Variants in ST7 observed in about 807,000 individuals in gnomAD.
ST7 encodes suppression of tumorigenicity 7, also known as suppressor of tumorigenicity 7 protein.
A neutral mutation model predicts 78.7 loss-of-function variants in ST7; 28 were observed. That is an observed-to-expected ratio of 0.36 (90% CI 0.26 to 0.49). The LOEUF (loss-of-function observed/expected upper bound fraction) is 0.49, where lower values mean the gene tolerates loss of function less well. Among genes scored for constraint, ST7 ranks in the 20% least tolerant of loss-of-function variants. The probability of loss-of-function intolerance (pLI) is 0.99; values close to 1 mark genes in which losing one functional copy is unlikely to be tolerated. For missense variants in ST7, 418 were observed against 696.0 expected, an observed-to-expected ratio of 0.60 and a Z score of 4.49; for synonymous variants, 247 against 249.6, an observed-to-expected ratio of 0.99 and a Z score of 0.10.
intron 1 of ST7, among the ~76,000 whole-genome samples, chr7:117,045,799 C>T (rs979962474): frequency 6.6e-6 from 1 of 152,182 alleles, no homozygotes; most frequent in African/African-American, 2.4e-5. Flanking sequence ...AATTTACTCA[C>T]AAAGTATTAA....
intron 10 of ST7, among the ~76,000 whole-genome samples, chr7:117,188,254 C>T (rs1443978785): frequency 6.6e-6 from 1 of 152,100 alleles, no homozygotes; most frequent in Admixed American, 6.5e-5. Context: ...TTCTATTTTT[C>T]ATTTCTACTT....
chr7:117,009,667 C>T (rs909231455), intron 1 of ST7, among the ~76,000 whole-genome samples: 5 of 151,986 alleles, frequency 3.3e-5, no homozygotes, highest in African/African-American at 1.2e-4. Flanking sequence ...AATTATACAT[C>T]AAGATTAATT....
At chr7:117,018,738 A>T (rs1280788552) in intron 1 of ST7, among the ~76,000 whole-genome samples, 2 of 152,232 alleles carry the variant, frequency 1.3e-5, no homozygotes, top group Non-Finnish European at 1.5e-5. Flanking sequence ...TAGGGTTATT[A>T]TGAAGATTAA....
In ST7 at chr7:117,097,897, TATATATATATA is replaced by T. The variant is rs1485645660; in HGVS notation, c.152-1864_152-1854del. Reference sequence around the variant, plus strand: ...ACATATCACTATATATATATATATATATATATATATATTTTTTTTTTTTTTTTTTTTGATGG... The same window carrying T: ...ACATATCACTATATATATATATATATTTTTTTTTTTTTTTTTTTTTGATGG... On this transcript the variant is annotated intron_variant, in intron 1 of 15. Coordinates refer to ENST00000323984, the MANE Select transcript of ST7 (RefSeq NM_001369598.1). Among the ~76,000 whole-genome samples the T allele has an allele frequency of 2.9e-4, 8 of 27,722 alleles. 1 individual carries two copies. The highest frequency in any genetic ancestry group is 8.2e-4 in the Admixed American group (2 of 2,432). The allele number at this position is 27,722 out of a possible 152,430, so 18.2% of individuals were successfully genotyped here.
chr7:116,986,189 TAG>T (rs1291242908), intron 1 of ST7, among the ~76,000 whole-genome samples: 1 of 152,202 alleles, frequency 6.6e-6, no homozygotes, highest in Non-Finnish European at 1.5e-5. Flanking sequence ...GTTGTGTGAG[TAG>T]AGTCTATTTT....
chr7:117,002,176 C>T (rs1238499615), intron 1 of ST7, among the ~76,000 whole-genome samples: 5 of 151,958 alleles, frequency 3.3e-5, no homozygotes, highest in Admixed American at 2.6e-4. Context: ...TGCAGTGAGC[C>T]GAGGTCGCGC....
chr7:117,152,128 T>G (rs566786341), intron 9 of ST7, among the ~76,000 whole-genome samples: 4 of 116,688 alleles, frequency 3.4e-5, no homozygotes, highest in African/African-American at 1.1e-4. Flanking sequence ...CAAAAAAAAA[T>G]AATAATAATT....
chr7:117,029,514 A>G (rs1796367680), intron 1 of ST7, among the ~76,000 whole-genome samples: 2 of 152,092 alleles, frequency 1.3e-5, no homozygotes, highest in African/African-American at 4.8e-5. Context: ...TGTATTGACA[A>G]TATTTTCTTA....
intron 13 of ST7, among the ~76,000 whole-genome samples, chr7:117,213,769 TAAGA>T (rs1207150781): frequency 1.3e-5 from 2 of 152,188 alleles, no homozygotes; most frequent in African/African-American, 4.8e-5. Flanking sequence ...TCAAGATAAT[TAAGA>T]AAGGGCAAGA....
At chr7:116,970,751 A>G (rs1793375752) in intron 1 of ST7, among the ~76,000 whole-genome samples, 1 of 152,124 alleles carries the variant, frequency 6.6e-6, no homozygotes, top group Non-Finnish European at 1.5e-5. Context: ...TGTGAGTCAG[A>G]GTTCTATTTT....
intron 1 of ST7, among the ~76,000 whole-genome samples, chr7:117,097,890 ATATATATATATATATATATTTT>A (rs1367843658): frequency 3.1e-4 from 6 of 19,486 alleles, no homozygotes; most frequent in African/African-American, 9.8e-4. Flanking sequence ...CTATATATAT[ATATATATATATATATATATTTT>A]TTTTTTTTTT....
At chr7:116,956,716 AT>A in intron 1 of ST7, 1 of 462,766 alleles carries the variant, frequency 2.2e-6, no homozygotes, top group South Asian at 1.6e-5. Context: ...ATTTGATCAT[AT>A]TTTATGGTAA....
At chr7:117,125,984 T>C (rs1259265032) in intron 3 of ST7, among the ~76,000 whole-genome samples, 1 of 152,028 alleles carries the variant, frequency 6.6e-6, no homozygotes. Flanking sequence ...CTGTACTTTT[T>C]ACTTATGTAA....
At chr7:117,097,908 A>ATATATATTTTTTTT in intron 1 of ST7, among the ~76,000 whole-genome samples, 2 of 30,018 alleles carry the variant, frequency 6.7e-5, no homozygotes, top group African/African-American at 1.6e-4. Flanking sequence ...ATATATATAT[A>ATATATATTTTTTTT]TTTTTTTTTT....
At chr7:117,110,570 T>G (rs960094785) in intron 2 of ST7, among the ~76,000 whole-genome samples, 20 of 152,348 alleles carry the variant, frequency 1.3e-4, no homozygotes, top group Admixed American at 8.5e-4. Flanking sequence ...GGCCATCTTG[T>G]GCAGGCAGCC....
At chr7:117,205,961 A>T (rs1347262006) in intron 12 of ST7, among the ~76,000 whole-genome samples, 1 of 152,188 alleles carries the variant, frequency 6.6e-6, no homozygotes, top group Non-Finnish European at 1.5e-5. Flanking sequence ...GTGGATAGGG[A>T]TCTGCCCTGT....
At chr7:117,087,349 T>C (rs747469607) in intron 1 of ST7, among the ~76,000 whole-genome samples, 35 of 152,206 alleles carry the variant, frequency 2.3e-4, no homozygotes, top group Non-Finnish European at 4.3e-4. Context: ...AAAACAGGAA[T>C]ATACATATGT....
At chr7:117,022,376 C>T (rs1198279802) in intron 1 of ST7, among the ~76,000 whole-genome samples, 1 of 152,116 alleles carries the variant, frequency 6.6e-6, no homozygotes, top group Non-Finnish European at 1.5e-5. Context: ...TTCTTTGGCA[C>T]GTGTATACCT....
chr7:117,066,317 C>T (rs958380311), intron 1 of ST7, among the ~76,000 whole-genome samples: 8 of 152,120 alleles, frequency 5.3e-5, no homozygotes, highest in South Asian at 2.1e-4. Context: ...GGAAATAGAC[C>T]GTGTCTATGT....
Sources: allele counts gnomAD v4.1 joint callset (sites outside exome capture counted in the v4.1 genomes callset), GRCh38; gene constraint gnomAD v4.1.1; transcripts MANE v1.5; gene names NCBI Gene and HGNC (gene_info 2026-07-23, HGNC 2026-07-21).